CEACAM3: variants seen among roughly 807,000 people sequenced by gnomAD.
The protein encoded by CEACAM3 is CEA cell adhesion molecule 3.
A neutral mutation model predicts 30.1 loss-of-function variants in CEACAM3; 32 were observed. The observed-to-expected ratio is 1.06, with a 90% CI of 0.80 to 1.43. The LOEUF (loss-of-function observed/expected upper bound fraction) is 1.43. Ranked by LOEUF, CEACAM3 falls within the 40% of genes most tolerant of loss-of-function variation. The pLI is 0.00. For synonymous variants in CEACAM3, 134 were observed against 127.2 expected, an observed-to-expected ratio of 1.05 and a Z score of -0.36; for missense variants, 290 against 316.3, an observed-to-expected ratio of 0.92 and a Z score of 0.63.
chr19:41,803,196 A>G (rs1223746925), intron 2 of CEACAM3, among the ~76,000 whole-genome samples: 1 of 152,248 alleles, frequency 6.6e-6, no homozygotes, highest in African/African-American at 2.4e-5. Flanking sequence ...TATGATGGAA[A>G]AAGTAGACCC....
At chr19:41,798,747 G>T (rs1180836838) in intron 2 of CEACAM3, among the ~76,000 whole-genome samples, 4 of 152,214 alleles carry the variant, frequency 2.6e-5, no homozygotes, top group Admixed American at 2.6e-4. Flanking sequence ...AAGCATAGAT[G>T]CTGTTCCTTT....
intron 2 of CEACAM3, chr19:41,807,490 C>T: frequency 7.1e-7 from 1 of 1,404,642 alleles, no homozygotes; most frequent in South Asian, 1.3e-5. Flanking sequence ...CAGACTCTCA[C>T]CCAGGCTGGC....
chr19:41,796,648 C>A lies in CEACAM3; in HGVS notation c.-30C>A. The A allele has an allele frequency of 6.2e-7, 1 of 1,613,386 alleles. No individual in the cohort carries two copies. Among genetic ancestry groups the A allele is most frequent in the Non-Finnish European group, 8.5e-7 (1 of 1,179,288 alleles). On this transcript the variant is annotated 5_prime_UTR_variant, in exon 1 of 7. Transcript: ENST00000357396. ...TTCCTGGAGCCCAGGCTCTTTTCCACAGAGGAGGAAAGAGCAGGCAGCAGA... is the reference window on the plus strand; with the variant it reads ...TTCCTGGAGCCCAGGCTCTTTTCCAAAGAGGAGGAAAGAGCAGGCAGCAGA...
chr19:41,810,479 T>C, intron 5 of CEACAM3, 125 bp downstream of exon 5: 3 of 1,164,346 alleles, frequency 2.6e-6, no homozygotes, highest in Non-Finnish European at 3.7e-6. Context: ...AGGACAAGGC[T>C]AGCCCTGCCC....
At chr19:41,799,250 C>T (rs1382531486) in intron 2 of CEACAM3, among the ~76,000 whole-genome samples, 2 of 152,166 alleles carry the variant, frequency 1.3e-5, no homozygotes, top group Non-Finnish European at 2.9e-5. Flanking sequence ...GCACCATCCC[C>T]TTGGTGACAA....
intron 2 of CEACAM3, chr19:41,807,438 G>A (rs2123017234): frequency 8.1e-7 from 1 of 1,238,794 alleles, no homozygotes; most frequent in East Asian, 3.9e-5. Flanking sequence ...AATCCACACA[G>A]CCAGAGGCCA....
In CEACAM3 at chr19:41,811,461, G is replaced by C. The variant is rs563621300; in HGVS notation, c.*224G>C. 344 of 528,834 alleles carry C rather than the reference G, an allele frequency of 6.5e-4. 2 individuals are homozygous for C. Among genetic ancestry groups the C allele is most frequent in the South Asian group, 4.8e-3 (185 of 38,830 alleles). 32.8% of individuals were successfully genotyped at this position (528,834 alleles called of 1,614,324 possible). A position where few individuals can be genotyped will look rare whatever the true frequency, so the allele number is the denominator to read the frequency against. On this transcript the variant is annotated 3_prime_UTR_variant, in exon 7 of 7. Coordinates refer to ENST00000357396, the MANE Select transcript of CEACAM3 (RefSeq NM_001815.5). ...GTCAGGACAAAGGCCTCTCATCACC[G>C]CAGAAAGCGGGGGCTTGCAGGGAAA...
chr19:41,805,941 C>T (rs2073194693), intron 2 of CEACAM3, among the ~76,000 whole-genome samples: 1 of 152,206 alleles, frequency 6.6e-6, no homozygotes. Flanking sequence ...GCTCCAAAGC[C>T]ACCAGCTCCT....
At position 41,808,843 on chromosome 19, in the gene CEACAM3, C is replaced by A; in HGVS notation, c.455C>A (p.Ala152Asp). 1 of 1,611,830 alleles carries A rather than the reference C, an allele frequency of 6.2e-7. No homozygotes were observed. Among genetic ancestry groups the A allele is most frequent in the Non-Finnish European group, 8.5e-7 (1 of 1,178,790 alleles). ...QENAPGLPVG[A>D]VAGIVTGVLV... ...AATGCCCCAGGCCTTCCTGTGGGGG[C>A]CGTCGCCGGCATCGTGACCGGGGTC... The change falls in exon 3 of 7, where the codon GCC (alanine) becomes GAC (aspartate). Residue 152 changes from alanine (A) to aspartate (D), a missense_variant. By Grantham distance (126) the Ala-to-Asp change is moderately radical (BLOSUM62 -2). Transcript: ENST00000357396.
chr19:41,803,671 T>C (rs1489067470), intron 2 of CEACAM3, among the ~76,000 whole-genome samples: 3 of 108,460 alleles, frequency 2.8e-5, no homozygotes, highest in Admixed American at 1.2e-4. Flanking sequence ...TTTCACCGTG[T>C]TATCCAGGAT....
chr19:41,803,579 G>T (rs1414620497), intron 2 of CEACAM3, among the ~76,000 whole-genome samples: 8 of 151,582 alleles, frequency 5.3e-5, no homozygotes, highest in Admixed American at 5.3e-4. Flanking sequence ...CCATTCTCCT[G>T]CCTCAGCCTC....
At chr19:41,804,223 C>A (rs558465674) in intron 2 of CEACAM3, among the ~76,000 whole-genome samples, 17 of 152,230 alleles carry the variant, frequency 1.1e-4, no homozygotes, top group Middle Eastern at 6.8e-3. Context: ...TTCCTGGGAC[C>A]AGGTGGAGCT....
At chr19:41,806,632 T>C (rs2123014042) in intron 2 of CEACAM3, among the ~76,000 whole-genome samples, 1 of 152,288 alleles carries the variant, frequency 6.6e-6, no homozygotes, top group African/African-American at 2.4e-5. Flanking sequence ...CATGCATCTG[T>C]CTGTGACACA....
intron 3 of CEACAM3, chr19:41,809,150 A>C (rs1555827251): frequency 8.1e-5 from 18 of 222,616 alleles, no homozygotes; most frequent in South Asian, 1.8e-4. Flanking sequence ...TTAAGGCCCC[A>C]CCCCTGAGTG....
intron 3 of CEACAM3, chr19:41,809,199 T>G (rs1600523271): frequency 4.0e-5 from 6 of 149,806 alleles, no homozygotes; most frequent in South Asian, 1.5e-4. Flanking sequence ...CACAGCTGCC[T>G]GGAGGGAGGG....
intron 6 of CEACAM3, 80 bp downstream of exon 6, chr19:41,810,977 C>G: frequency 7.0e-7 from 1 of 1,420,796 alleles, no homozygotes; most frequent in Non-Finnish European, 9.8e-7. Flanking sequence ...CGGCTGAGCT[C>G]TGAGATTCAG....
chr19:41,803,449 T>C (rs1280306557), intron 2 of CEACAM3, among the ~76,000 whole-genome samples: 4 of 136,016 alleles, frequency 2.9e-5, no homozygotes, highest in South Asian at 5.1e-4. Flanking sequence ...TGTGTGTGTG[T>C]GTGTGTGTGT....
intron 5 of CEACAM3, 105 bp from the exon 6 acceptor site, chr19:41,810,727 C>A: frequency 9.1e-7 from 1 of 1,095,408 alleles, no homozygotes; most frequent in Non-Finnish European, 1.4e-6. Context: ...CTGGTCACTC[C>A]TGAGGGGAAA....
At position 41,797,483 on chromosome 19, in the gene CEACAM3, C is replaced by T. The variant is rs1369910172; in HGVS notation, c.65-106C>T. ...ACCTTGACCAAGTGGGACACACATA[C>T]ACTCTCCAAGGCTGAAGGGTGAAGA... On this transcript the variant is annotated intron_variant, in intron 1 of 6. Coordinates refer to ENST00000357396, the MANE Select transcript of CEACAM3 (RefSeq NM_001815.5). 1.1e-5 allele frequency: 15 copies of T among 1,426,794 alleles called. No homozygotes were observed. The East Asian group carries it at 3.4e-4, about 33-fold the overall frequency. The allele number at this position is 1,426,794 out of a possible 1,614,324, so 88.4% of individuals were successfully genotyped here.
Sources: allele counts gnomAD v4.1 joint callset (sites outside exome capture counted in the v4.1 genomes callset), GRCh38; gene constraint gnomAD v4.1.1; transcripts MANE v1.5; gene names NCBI Gene and HGNC (gene_info 2026-07-23, HGNC 2026-07-21).